MYLK4: variants seen among roughly 807,000 people sequenced by gnomAD.
MYLK4 encodes myosin light chain kinase family member 4.
In MYLK4, 46 loss-of-function variants were observed where a neutral mutation model predicts 48.1. The ratio of observed to expected loss-of-function variants is 0.96; its 90% confidence interval spans 0.75 to 1.22. The LOEUF is 1.22. Among genes scored for constraint, MYLK4 ranks in the 50% most tolerant of loss-of-function variants. MYLK4 has a pLI of 0.00. For synonymous variants in MYLK4, 170 were observed against 180.8 expected (o/e 0.94, Z 0.48); for missense variants, 451 against 486.1 (o/e 0.93, Z 0.68).
the MYLK4 span, among the ~76,000 whole-genome samples, chr6:2,761,494 G>C: frequency 2.6e-5 from 4 of 152,128 alleles, no homozygotes; most frequent in Non-Finnish European, 2.9e-5. Flanking sequence ...AGAAAACCTT[G>C]AACTTCAGAC....
chr6:2,739,726 G>A (rs1051474040), intron 2 of MYLK4, among the ~76,000 whole-genome samples: 1 of 152,204 alleles, frequency 6.6e-6, no homozygotes, highest in African/African-American at 2.4e-5. Flanking sequence ...AGGAGGCACT[G>A]TACAGGTTGT....
the MYLK4 span, among the ~76,000 whole-genome samples, chr6:2,762,784 T>C: frequency 6.6e-6 from 1 of 152,286 alleles, no homozygotes; most frequent in South Asian, 2.1e-4. Flanking sequence ...GGCTCAGAAA[T>C]CAACTGGCAG....
intron 2 of MYLK4, among the ~76,000 whole-genome samples, chr6:2,716,473 G>T (rs1762870175): frequency 6.6e-6 from 1 of 152,250 alleles, no homozygotes; most frequent in South Asian, 2.1e-4. Flanking sequence ...TATGCAGATA[G>T]AAACTTAAAT....
At chr6:2,766,042 G>C in the MYLK4 span, 1 of 1,301,534 alleles carries the variant, frequency 7.7e-7, no homozygotes, top group African/African-American at 1.5e-5. Flanking sequence ...AGGGGTCGGG[G>C]AAGAGGCCGG....
At chr6:2,729,300 G>A (rs1763393407) in intron 2 of MYLK4, among the ~76,000 whole-genome samples, 1 of 152,218 alleles carries the variant, frequency 6.6e-6, no homozygotes, top group African/African-American at 2.4e-5. Flanking sequence ...CCAGGAGGAT[G>A]AGGAAAGACA....
intron 2 of MYLK4, among the ~76,000 whole-genome samples, chr6:2,746,108 T>TAAA (rs35723303): frequency 6.7e-6 from 1 of 148,400 alleles, no homozygotes; most frequent in Non-Finnish European, 1.5e-5. Flanking sequence ...AAAAAAAATA[T>TAAA]AAAAAAAAAT....
the MYLK4 span, among the ~76,000 whole-genome samples, chr6:2,760,116 AAT>A: frequency 6.6e-6 from 1 of 152,244 alleles, no homozygotes; most frequent in African/African-American, 2.4e-5. Context: ...GATGATTTAA[AAT>A]ATATGAGCAT....
At chr6:2,752,648 G>A (rs944400882), upstream of MYLK4, among the ~76,000 whole-genome samples, 1 of 152,146 alleles carries the variant, frequency 6.6e-6, no homozygotes, top group African/African-American at 2.4e-5. Context: ...AAACGTTCAA[G>A]TTGAATAGGC....
chr6:2,701,057 G>C (rs1762263450), intron 2 of MYLK4, among the ~76,000 whole-genome samples: 1 of 152,236 alleles, frequency 6.6e-6, no homozygotes, highest in East Asian at 1.9e-4. Flanking sequence ...ACTTCAAATG[G>C]AATCACAGCT....
chr6:2,728,294 T>C (rs1226257451), intron 2 of MYLK4, among the ~76,000 whole-genome samples: 1 of 152,212 alleles, frequency 6.6e-6, no homozygotes, highest in Non-Finnish European at 1.5e-5. Context: ...ACACAGGCAG[T>C]GCAGGGGAAC....
intron 2 of MYLK4, among the ~76,000 whole-genome samples, chr6:2,694,570 T>TG (rs1761977432): frequency 2.4e-5 from 3 of 122,852 alleles, no homozygotes; most frequent in Non-Finnish European, 3.5e-5. Flanking sequence ...GTGGTAGTGG[T>TG]AGTGCTGCTG....
At chr6:2,740,761 T>G (rs1466806742) in intron 2 of MYLK4, among the ~76,000 whole-genome samples, 1 of 152,248 alleles carries the variant, frequency 6.6e-6, no homozygotes, top group Non-Finnish European at 1.5e-5. Flanking sequence ...GTTCCTCATT[T>G]TCTATACTAA....
chr6:2,680,383 G>GA (rs1319420017), intron 7 of MYLK4, 92 bp from the exon 8 acceptor site: 11 of 1,591,476 alleles, frequency 6.9e-6, no homozygotes, highest in East Asian at 6.7e-5. Context: ...ACGATGCTCA[G>GA]AAAAAACATA....
At chr6:2,758,493 G>T in the MYLK4 span, among the ~76,000 whole-genome samples, 1 of 151,612 alleles carries the variant, frequency 6.6e-6, no homozygotes, top group Non-Finnish European at 1.5e-5. Context: ...CATATGGAAA[G>T]TATATAAAAC....
chr6:2,708,630 G>A (rs1762572893), intron 2 of MYLK4, among the ~76,000 whole-genome samples: 1 of 152,182 alleles, frequency 6.6e-6, no homozygotes, highest in South Asian at 2.1e-4. Flanking sequence ...AAAGGTTGTT[G>A]TTTTGGTTAC....
chr6:2,678,497 A>C (rs925259988), intron 9 of MYLK4, 125 bp from the exon 10 acceptor site: 1 of 1,043,200 alleles, frequency 9.6e-7, no homozygotes, highest in East Asian at 2.6e-5. Context: ...CTGAAGCATA[A>C]TTTTATAACA....
the MYLK4 span, chr6:2,765,916 G>A: frequency 8.9e-6 from 13 of 1,454,560 alleles, no homozygotes; most frequent in South Asian, 1.3e-5. Context: ...AGGGTGAGGA[G>A]GGCGACGACG....
intron 2 of MYLK4, among the ~76,000 whole-genome samples, chr6:2,710,482 G>C (rs1332772608): frequency 1.3e-5 from 2 of 152,158 alleles, no homozygotes; most frequent in Non-Finnish European, 2.9e-5. Flanking sequence ...ACCACATCTG[G>C]ACAATGAAAT....
At chr6:2,742,805 A>G (rs1763944551) in intron 2 of MYLK4, among the ~76,000 whole-genome samples, 1 of 151,580 alleles carries the variant, frequency 6.6e-6, no homozygotes. Flanking sequence ...CCAGCATGGC[A>G]CATGTATACA....
Sources: gnomAD v4.1 joint callset for allele counts (sites outside exome capture counted in the v4.1 genomes callset) on GRCh38, gnomAD v4.1.1 for gene constraint, MANE v1.5 for transcripts, NCBI Gene and HGNC (gene_info 2026-07-23, HGNC 2026-07-21) for gene names.